The following PSMA8 variants were observed in gnomAD, a reference collection of about 807,000 sequenced individuals.
PSMA8 encodes the protein proteasome subunit alpha-type 8.
A neutral mutation model predicts 32.4 loss-of-function variants in PSMA8; 18 were observed. The observed-to-expected ratio is 0.56, with a 90% CI of 0.38 to 0.82. The LOEUF (loss-of-function observed/expected upper bound fraction) is 0.82. Ranked by LOEUF, PSMA8 falls within the 40% of genes least tolerant of loss-of-function variation. The pLI is 0.00. For missense variants in PSMA8, 298 were observed against 300.7 expected (o/e 0.99, Z 0.07); for synonymous variants, 104 against 98.1 (o/e 1.06, Z -0.36).
intron 4 of PSMA8, chr18:26,171,193 A>G: frequency 1.3e-6 from 2 of 1,559,258 alleles, no homozygotes; most frequent in Non-Finnish European, 1.7e-6. Flanking sequence ...AAATATCTGA[A>G]TTCATTCCTG....
At chr18:26,155,251 C>T (rs2055079995) in intron 3 of PSMA8, among the ~76,000 whole-genome samples, 1 of 151,754 alleles carries the variant, frequency 6.6e-6, no homozygotes, top group African/African-American at 2.4e-5. Context: ...AGAAAAGGCT[C>T]ATTAAGGAAA....
chr18:26,189,674 G>C (rs1483871891), intron 6 of PSMA8, among the ~76,000 whole-genome samples: 2 of 152,148 alleles, frequency 1.3e-5, no homozygotes, highest in Non-Finnish European at 2.9e-5. Context: ...GGAGAAAAGG[G>C]AACCCTCATA....
rs1169865100 is a variant in PSMA8, at chr18:26,179,080, G to A, written c.610G>A (p.Gly204Ser). 13 of 1,612,742 alleles carry A rather than the reference G, an allele frequency of 8.1e-6. 1 individual carries two copies. The South Asian group carries it at 1.4e-4, about 18-fold the overall frequency. The change falls in exon 6 of 7, where the codon GGT becomes AGT. Residue 204 changes from glycine (G) to serine (S), a missense_variant. Coordinates refer to ENST00000415576, the MANE Select transcript of PSMA8 (RefSeq NM_001025096.2). ...TGTTCTACATTAGGTTGTCCAGTCT[G>A]GTGGAAAAAACATTGAACTTGCTAT... ...IKALLEVVQS[G>S]GKNIELAIIR...
chr18:26,173,630 C>G (rs375387479), intron 4 of PSMA8, among the ~76,000 whole-genome samples: 1 of 151,288 alleles, frequency 6.6e-6, no homozygotes, highest in African/African-American at 2.4e-5. Flanking sequence ...GATCTGGGCT[C>G]ACTGCAACCT....
At chr18:26,151,020 A>C (rs1343408212) in intron 2 of PSMA8, among the ~76,000 whole-genome samples, 1 of 152,222 alleles carries the variant, frequency 6.6e-6, no homozygotes, top group Non-Finnish European at 1.5e-5. Context: ...CTCTTCATTT[A>C]ACTGAGTATC....
intron 1 of PSMA8, among the ~76,000 whole-genome samples, chr18:26,142,968 A>C (rs1281010996): frequency 6.6e-6 from 1 of 152,204 alleles, no homozygotes; most frequent in Non-Finnish European, 1.5e-5. Flanking sequence ...AAATTGTGAA[A>C]TACATGGGAA....
intron 2 of PSMA8, among the ~76,000 whole-genome samples, chr18:26,150,338 TC>T (rs2055035419): frequency 6.6e-6 from 1 of 150,570 alleles, no homozygotes; most frequent in South Asian, 2.1e-4. Context: ...TTAATTTGAT[TC>T]CTTTTTTTTT....
At chr18:26,185,776 T>C (rs552539658) in intron 6 of PSMA8, among the ~76,000 whole-genome samples, 3 of 151,134 alleles carry the variant, frequency 2.0e-5, no homozygotes, top group Admixed American at 1.3e-4. Flanking sequence ...CAAATTTCAA[T>C]GTATATAGAA....
chr18:26,141,867 G>GA (rs2054960412), intron 1 of PSMA8, among the ~76,000 whole-genome samples: 1 of 150,550 alleles, frequency 6.6e-6, no homozygotes, highest in Admixed American at 6.6e-5. Context: ...TTTATATTTT[G>GA]TAGAGATATA....
At position 26,171,269 on chromosome 18, in the gene PSMA8, G is replaced by A. The variant is rs1056495266; in HGVS notation, c.478-7561G>A. 110 of 1,524,192 alleles carry A rather than the reference G, an allele frequency of 7.2e-5. 7 individuals carry two copies. Among genetic ancestry groups the A allele is most frequent in the Non-Finnish European group, 8.5e-5 (99 of 1,160,812 alleles). The allele number at this position is 1,524,192 out of a possible 1,614,324, so 94.4% of individuals were successfully genotyped here. On this transcript the variant is annotated intron_variant, in intron 4 of 6. Coordinates refer to ENST00000415576, the MANE Select transcript of PSMA8 (RefSeq NM_001025096.2). Reference sequence around the variant, plus strand: ...TGTTCTGGGACACAGCGACGATGCAGTTTAGCGAACCAACCATGACAGCAG... The same window carrying A: ...TGTTCTGGGACACAGCGACGATGCAATTTAGCGAACCAACCATGACAGCAG...
Position 26,135,385 on chromosome 18 carries a change from A to G in PSMA8, c.102+1318A>G, listed in dbSNP as rs138189939. Among the ~76,000 whole-genome samples, 23 of 152,290 alleles carry G rather than the reference A, an allele frequency of 1.5e-4. No individual in the cohort carries two copies. The East Asian group carries it at 4.0e-3, about 27-fold the overall frequency. On this transcript the variant is annotated intron_variant, in intron 1 of 6. Transcript: ENST00000415576. ...TACGTTTCTAAGTCTAGCAGTGTCTATATTTTCTGACTTTCTTTGTTAAAG... is the reference window on the plus strand; with the variant it reads ...TACGTTTCTAAGTCTAGCAGTGTCTGTATTTTCTGACTTTCTTTGTTAAAG...
At position 26,139,929 on chromosome 18, in the gene PSMA8, C is replaced by A. The variant is rs1275163630; in HGVS notation, c.103-4630C>A. 9.9e-6 allele frequency: 6 copies of A among 608,986 alleles called. 1 individual carries two copies. In the Admixed American group the frequency reaches 1.4e-4, roughly 14 times the overall value. 37.7% of individuals were successfully genotyped at this position (608,986 alleles called of 1,614,324 possible). ...TTTGTTCGCATAGTGTTTTCCTGATCTCGCTTGTTTATCTCTGTACTCTTG... is the reference window on the plus strand; with the variant it reads ...TTTGTTCGCATAGTGTTTTCCTGATATCGCTTGTTTATCTCTGTACTCTTG... On this transcript the variant is annotated intron_variant, in intron 1 of 6. Coordinates refer to ENST00000415576, the MANE Select transcript of PSMA8 (RefSeq NM_001025096.2).
intron 6 of PSMA8, among the ~76,000 whole-genome samples, chr18:26,187,979 T>C (rs1291023765): frequency 1.3e-5 from 2 of 152,182 alleles, no homozygotes; most frequent in Non-Finnish European, 2.9e-5. Context: ...AGCTGCAGAA[T>C]ATGCATTATT....
intron 2 of PSMA8, among the ~76,000 whole-genome samples, chr18:26,148,464 C>G (rs1424206573): frequency 6.6e-6 from 1 of 151,900 alleles, no homozygotes; most frequent in Non-Finnish European, 1.5e-5. Flanking sequence ...AAATTTAACA[C>G]TCTTTCTTGG....
intron 1 of PSMA8, among the ~76,000 whole-genome samples, chr18:26,143,319 A>G (rs770907010): frequency 2.0e-4 from 31 of 152,076 alleles, no homozygotes; most frequent in Admixed American, 9.2e-4. Flanking sequence ...AATTGTCCCA[A>G]TCTGAGTGAG....
At chr18:26,142,902 C>G (rs1035775782) in intron 1 of PSMA8, among the ~76,000 whole-genome samples, 1 of 152,218 alleles carries the variant, frequency 6.6e-6, no homozygotes, top group East Asian at 1.9e-4. Flanking sequence ...TTTCAACATA[C>G]GAATTTGGGG....
intron 6 of PSMA8, among the ~76,000 whole-genome samples, chr18:26,186,983 G>A (rs572938658): frequency 2.6e-5 from 4 of 152,234 alleles, no homozygotes; most frequent in African/African-American, 9.6e-5. Flanking sequence ...CACCTACTTG[G>A]GGCCAGGAAT....
intron 2 of PSMA8, among the ~76,000 whole-genome samples, chr18:26,146,784 A>G (rs1460430019): frequency 6.6e-6 from 1 of 152,170 alleles, no homozygotes; most frequent in Non-Finnish European, 1.5e-5. Flanking sequence ...TTGCATTGCT[A>G]TAAAGAAACA....
Position 26,134,017 on chromosome 18 carries a change from CT to C in PSMA8, c.57del (p.Gln20LysfsTer9). ...AITVFSPDGH[L>X]FQVEYAQEAV... ...CACTGTCTTCTCCCCAGACGGACAC[CT>C]TTTTCAAGTTGAATATGCCCAGGAA... On this transcript the variant is annotated frameshift_variant, in exon 1 of 7. Transcript: ENST00000415576. LOFTEE classifies it high-confidence loss of function. 1 of 1,614,074 alleles carries C rather than the reference CT, an allele frequency of 6.2e-7. No individual in the cohort carries two copies. Among genetic ancestry groups the C allele is most frequent in the Non-Finnish European group, 8.5e-7 (1 of 1,179,956 alleles).
Sources: allele counts gnomAD v4.1 joint callset (sites outside exome capture counted in the v4.1 genomes callset), GRCh38; gene constraint gnomAD v4.1.1; transcripts MANE v1.5; gene names NCBI Gene and HGNC (gene_info 2026-07-23, HGNC 2026-07-21).